Variants in APP observed in about 807,000 individuals in gnomAD.
The protein encoded by APP is amyloid beta precursor protein.
A neutral mutation model predicts 101.4 loss-of-function variants in APP; 31 were observed. That is an observed-to-expected ratio of 0.31 (90% confidence interval 0.23 to 0.41). The LOEUF (loss-of-function observed/expected upper bound fraction) is 0.41, where lower values mean the gene tolerates loss of function less well. Ranked by LOEUF, APP falls within the 10% of genes least tolerant of loss-of-function variation. The pLI, the probability that APP is intolerant of heterozygous loss-of-function variation, is 1.00. For missense variants in APP, 839 were observed against 1,003.7 expected (o/e 0.84, Z 2.22); for synonymous variants, 366 against 364.4 (o/e 1.00, Z -0.05).
chr21:25,985,078 G>A (rs1164452110), intron 8 of APP, among the ~76,000 whole-genome samples: 3 of 152,138 alleles, frequency 2.0e-5, no homozygotes, highest in Non-Finnish European at 2.9e-5. Context: ...ATTGGCCTAA[G>A]TAGAAATGCA....
chr21:25,902,163 C>A (rs1253728677), intron 15 of APP, among the ~76,000 whole-genome samples: 1 of 152,058 alleles, frequency 6.6e-6, no homozygotes, highest in Non-Finnish European at 1.5e-5. Context: ...TTATAAAGCA[C>A]TGGGTGGGGG....
At chr21:25,924,336 T>A (rs1316047330) in intron 13 of APP, among the ~76,000 whole-genome samples, 1 of 58 alleles carries the variant, frequency 0.017, no homozygotes, top group African/African-American at 0.031. Flanking sequence ...CATATGTAAC[T>A]AAGCTGCACA....
At chr21:26,169,954 C>A (rs1276452890) in intron 1 of APP, among the ~76,000 whole-genome samples, 1 of 152,148 alleles carries the variant, frequency 6.6e-6, no homozygotes, top group South Asian at 2.1e-4. Context: ...CCGGCTCGGG[C>A]TAGGGTCGCA....
chr21:25,984,633 T>TA (rs2042570719), intron 8 of APP, among the ~76,000 whole-genome samples: 1 of 152,188 alleles, frequency 6.6e-6, no homozygotes, highest in African/African-American at 2.4e-5. Flanking sequence ...ATGATTAAGT[T>TA]AAAAATACTT....
intron 17 of APP, among the ~76,000 whole-genome samples, chr21:25,887,974 T>TTC (rs2037449454): frequency 1.3e-5 from 2 of 152,130 alleles, no homozygotes; most frequent in East Asian, 3.8e-4. Context: ...GGAGTTTTTT[T>TTC]CCTAGGGTTC....
intron 9 of APP, among the ~76,000 whole-genome samples, chr21:25,977,176 T>A (rs1184248494): frequency 6.6e-6 from 1 of 152,204 alleles, no homozygotes; most frequent in African/African-American, 2.4e-5. Flanking sequence ...CTGAGAGAAG[T>A]TCACTCATTA....
chr21:25,913,638 C>T (rs1569047247), intron 13 of APP, among the ~76,000 whole-genome samples: 1 of 152,156 alleles, frequency 6.6e-6, no homozygotes, highest in African/African-American at 2.4e-5. Context: ...CCTTTGCCAG[C>T]GAGAAAGCTC....
chr21:25,940,053 T>G (rs1443294651), intron 13 of APP, among the ~76,000 whole-genome samples: 1 of 152,118 alleles, frequency 6.6e-6, no homozygotes, highest in African/African-American at 2.4e-5. Flanking sequence ...GCTTAAACCA[T>G]TTCCACCCAA....
intron 13 of APP, among the ~76,000 whole-genome samples, chr21:25,949,080 C>T (rs2040953892): frequency 6.6e-6 from 1 of 151,908 alleles, no homozygotes; most frequent in Non-Finnish European, 1.5e-5. Context: ...CATAATCTGC[C>T]TGAAAATAAC....
intron 17 of APP, among the ~76,000 whole-genome samples, chr21:25,886,776 C>A (rs1010621274): frequency 6.6e-6 from 1 of 151,914 alleles, no homozygotes; most frequent in Non-Finnish European, 1.5e-5. Flanking sequence ...GGTTCTGCAC[C>A]CCCCCTCACT....
At chr21:26,150,626 T>TAGATAGATAGATAGATAGATAGACAGAC (rs370206066) in intron 1 of APP, among the ~76,000 whole-genome samples, 2,872 of 149,716 alleles carry the variant, frequency 0.019, 56 homozygotes, top group Admixed American at 0.028. Context: ...GACAGATAGA[T>TAGATAGATAGATAGATAGATAGACAGAC]AGACAGACAG....
chr21:25,969,922 A>AAAAGGAAAGGAAAGG (rs369276904), intron 11 of APP, among the ~76,000 whole-genome samples: 15 of 135,974 alleles, frequency 1.1e-4, no homozygotes, highest in African/African-American at 4.4e-4. Flanking sequence ...AGGGGAAGAG[A>AAAAGGAAAGGAAAGG]AAAGGAAAGG....
At chr21:26,007,372 A>G (rs1312022498) in intron 6 of APP, among the ~76,000 whole-genome samples, 1 of 147,466 alleles carries the variant, frequency 6.8e-6, no homozygotes, top group Admixed American at 6.8e-5. Context: ...TAATTATAAT[A>G]TATTAGATTA....
At chr21:26,135,278 G>A (rs997829621) in intron 1 of APP, among the ~76,000 whole-genome samples, 3 of 152,182 alleles carry the variant, frequency 2.0e-5, no homozygotes, top group Non-Finnish European at 4.4e-5. Flanking sequence ...TTCTCACTTC[G>A]AAATTCAAGA....
chr21:26,040,689 G>A (rs965326637), intron 5 of APP, among the ~76,000 whole-genome samples: 1 of 151,848 alleles, frequency 6.6e-6, no homozygotes, highest in African/African-American at 2.4e-5. Context: ...TTGAACTTGG[G>A]AGGGGAGGTT....
chr21:26,170,484 A>G, intron 1 of APP, 80 bp downstream of exon 1: 1 of 1,446,734 alleles, frequency 6.9e-7, no homozygotes, highest in Non-Finnish European at 9.3e-7. Context: ...TCTCTGCATT[A>G]AAGACTTGGG....
At chr21:26,082,961 T>C (rs954582946) in intron 3 of APP, among the ~76,000 whole-genome samples, 6 of 152,196 alleles carry the variant, frequency 3.9e-5, no homozygotes, top group African/African-American at 1.4e-4. Flanking sequence ...TTAAAATTGT[T>C]TAAATAGATT....
chr21:26,121,095 C>T (rs944771280), intron 1 of APP, among the ~76,000 whole-genome samples: 10 of 152,148 alleles, frequency 6.6e-5, no homozygotes, highest in African/African-American at 2.4e-4. Flanking sequence ...ATGTGACACT[C>T]GCACTGAGAT....
intron 5 of APP, among the ~76,000 whole-genome samples, chr21:26,040,045 G>A (rs1187815489): frequency 6.6e-6 from 1 of 151,848 alleles, no homozygotes; most frequent in Non-Finnish European, 1.5e-5. Flanking sequence ...GTTGGAGATG[G>A]GACCCAAGTA....
Sources: gnomAD v4.1 joint callset for allele counts (sites outside exome capture counted in the v4.1 genomes callset) on GRCh38, gnomAD v4.1.1 for gene constraint, MANE v1.5 for transcripts, NCBI Gene and HGNC (gene_info 2026-07-23, HGNC 2026-07-21) for gene names.